ANK3: variants seen among roughly 807,000 people sequenced by gnomAD.
ANK3 encodes the protein ankyrin 3.
In ANK3, 57 loss-of-function variants were observed where a neutral mutation model predicts 370.9. That is an observed-to-expected ratio of 0.15 (90% confidence interval 0.12 to 0.19). ANK3 has a LOEUF of 0.19. Among genes scored for constraint, ANK3 ranks in the 10% least tolerant of loss-of-function variants. The pLI, the probability that ANK3 is intolerant of heterozygous loss-of-function variation, is 1.00. For missense variants in ANK3, 4,439 were observed against 5,302.1 expected, an observed-to-expected ratio of 0.84 and a Z score of 5.06; for synonymous variants, 1,929 against 1,946.3, an observed-to-expected ratio of 0.99 and a Z score of 0.23.
At chr10:60,596,775 C>T (rs1411860111) in intron 2 of ANK3, among the ~76,000 whole-genome samples, 1 of 152,030 alleles carries the variant, frequency 6.6e-6, no homozygotes, top group African/African-American at 2.4e-5. Context: ...TAAAAAAATG[C>T]AACTATTTAA....
intron 1 of ANK3, among the ~76,000 whole-genome samples, chr10:60,379,456 G>A (rs919628674): frequency 2.0e-5 from 3 of 152,056 alleles, no homozygotes; most frequent in Admixed American, 2.0e-4. Context: ...GCCAAGATAT[G>A]AAATCAACCT....
chr10:60,246,586 C>T (rs776798266), intron 7 of ANK3, among the ~76,000 whole-genome samples: 1 of 152,184 alleles, frequency 6.6e-6, no homozygotes, highest in Non-Finnish European at 1.5e-5. Flanking sequence ...TGCTGGCCTT[C>T]CCAGGAAGCA....
intron 12 of ANK3, among the ~76,000 whole-genome samples, chr10:60,201,144 T>G (rs542819119): frequency 7.9e-5 from 12 of 152,352 alleles, no homozygotes; most frequent in African/African-American, 2.9e-4. Flanking sequence ...CACAGGAAAC[T>G]GGTGGATTGT....
chr10:60,102,045 G>A (rs745960450), intron 28 of ANK3, among the ~76,000 whole-genome samples: 3 of 151,596 alleles, frequency 2.0e-5, no homozygotes, highest in Non-Finnish European at 4.4e-5. Flanking sequence ...GGGTGGTGGC[G>A]ATGTTGAGTG....
At chr10:60,378,697 T>G (rs1385062422) in intron 1 of ANK3, among the ~76,000 whole-genome samples, 1 of 151,918 alleles carries the variant, frequency 6.6e-6, no homozygotes, top group Non-Finnish European at 1.5e-5. Context: ...TACATAAAAA[T>G]CAGCTGAAAA....
At chr10:60,204,227 A>G (rs1355343619) in intron 11 of ANK3, among the ~76,000 whole-genome samples, 1 of 152,202 alleles carries the variant, frequency 6.6e-6, no homozygotes, top group Admixed American at 6.5e-5. Flanking sequence ...TTTTTCCATC[A>G]GCAGGGGGAG....
intron 2 of ANK3, among the ~76,000 whole-genome samples, chr10:60,476,445 C>T (rs937348055): frequency 1.1e-4 from 16 of 152,056 alleles, no homozygotes; most frequent in South Asian, 2.1e-4. Context: ...CCTAAGAGAA[C>T]GATCAGGAAA....
chr10:60,220,663 T>C (rs1309908531), intron 8 of ANK3, among the ~76,000 whole-genome samples: 1 of 152,342 alleles, frequency 6.6e-6, no homozygotes, highest in Admixed American at 6.5e-5. Flanking sequence ...TCTGCTTCCA[T>C]TGTCCTGCCT....
At chr10:60,567,857 G>GT in intron 2 of ANK3, among the ~76,000 whole-genome samples, 1 of 152,278 alleles carries the variant, frequency 6.6e-6, no homozygotes, top group South Asian at 2.1e-4. Flanking sequence ...TTCAATGGAG[G>GT]AAGTATTAAT....
At chr10:60,407,724 A>G (rs1390790895) in intron 2 of ANK3, among the ~76,000 whole-genome samples, 1 of 152,226 alleles carries the variant, frequency 6.6e-6, no homozygotes, top group Non-Finnish European at 1.5e-5. Flanking sequence ...AATGACTTTC[A>G]CATAGGGCTC....
At chr10:60,530,210 T>C (rs1396999110) in intron 2 of ANK3, among the ~76,000 whole-genome samples, 1 of 152,164 alleles carries the variant, frequency 6.6e-6, no homozygotes, top group East Asian at 1.9e-4. Flanking sequence ...TCTTCCTATT[T>C]AAGTCAGTCC....
intron 14 of ANK3, among the ~76,000 whole-genome samples, chr10:60,197,618 T>G (rs914758846): frequency 2.6e-5 from 4 of 152,238 alleles, no homozygotes; most frequent in Non-Finnish European, 4.4e-5. Flanking sequence ...TTTATCCCGA[T>G]AGTTTTCTAT....
At chr10:60,612,637 G>T (rs751117210) in intron 2 of ANK3, among the ~76,000 whole-genome samples, 12 of 152,090 alleles carry the variant, frequency 7.9e-5, no homozygotes, top group Non-Finnish European at 1.8e-4. Context: ...GATTACAGGC[G>T]CTTGCCACCA....
chr10:60,604,184 A>G (rs960793243), intron 2 of ANK3, among the ~76,000 whole-genome samples: 2 of 152,188 alleles, frequency 1.3e-5, no homozygotes, highest in Non-Finnish European at 2.9e-5. Context: ...AGAGTGCACA[A>G]TAAGTAAAAA....
chr10:60,102,395 C>A (rs2091430996), intron 28 of ANK3, among the ~76,000 whole-genome samples: 1 of 152,026 alleles, frequency 6.6e-6, no homozygotes, highest in African/African-American at 2.4e-5. Context: ...CTCATCTATT[C>A]CTTATTAGTT....
rs139365106 is a variant in ANK3, at chr10:60,090,222, A to C, written c.3329-1864T>G. Reference sequence around the variant, plus strand: ...AATCCTAGCTACTTGGGGTGCTGAGACAGGAGAATTACTTGAACCTGGGAG... The same window carrying C: ...AATCCTAGCTACTTGGGGTGCTGAGCCAGGAGAATTACTTGAACCTGGGAG... On this transcript the variant is annotated intron_variant, in intron 28 of 43. Coordinates refer to ENST00000280772, the MANE Select transcript of ANK3 (RefSeq NM_020987.5). Among the ~76,000 whole-genome samples, 7 of 152,094 alleles carry C rather than the reference A, an allele frequency of 4.6e-5. No homozygotes were observed. The East Asian group carries it at 1.4e-3, about 29-fold the overall frequency.
intron 1 of ANK3, among the ~76,000 whole-genome samples, chr10:60,674,474 T>A (rs996879477): frequency 1.3e-5 from 2 of 151,908 alleles, no homozygotes; most frequent in African/African-American, 4.8e-5. Context: ...AACAACCAGA[T>A]CTCACGTGAA....
chr10:60,307,927 A>G (rs1437178819), intron 1 of ANK3, among the ~76,000 whole-genome samples: 1 of 152,246 alleles, frequency 6.6e-6, no homozygotes, highest in Non-Finnish European at 1.5e-5. Context: ...AATGCTTTTT[A>G]AAAAAGAAAA....
intron 2 of ANK3, among the ~76,000 whole-genome samples, chr10:60,444,442 GTGTA>G (rs1305002931): frequency 4.7e-5 from 7 of 148,910 alleles, no homozygotes; most frequent in African/African-American, 1.3e-4. Flanking sequence ...GTGTGTGTGT[GTGTA>G]TATATATATA....
Sources: gnomAD v4.1 joint callset for allele counts (sites outside exome capture counted in the v4.1 genomes callset) on GRCh38, gnomAD v4.1.1 for gene constraint, MANE v1.5 for transcripts, NCBI Gene and HGNC (gene_info 2026-07-23, HGNC 2026-07-21) for gene names.